The following COL26A1 variants were observed in gnomAD, a reference collection of about 807,000 sequenced individuals.
The protein encoded by COL26A1 is collagen alpha-1(XXVI) chain.
A neutral mutation model predicts 59.3 loss-of-function variants in COL26A1; 41 were observed. That is an observed-to-expected ratio of 0.69 (90% CI 0.54 to 0.90). COL26A1 has a LOEUF of 0.90. Among genes scored for constraint, COL26A1 ranks in the 40% least tolerant of loss-of-function variants. The pLI is 0.00. For synonymous variants in COL26A1, 266 were observed against 256.0 expected (o/e 1.04, Z -0.37); for missense variants, 612 against 602.3 (o/e 1.02, Z -0.17).
At chr7:101,464,781 A>C (rs1793716149) in intron 3 of COL26A1, among the ~76,000 whole-genome samples, 1 of 152,080 alleles carries the variant, frequency 6.6e-6, no homozygotes, top group South Asian at 2.1e-4. Flanking sequence ...AGATGATCAT[A>C]GCTCACTGCA....
intron 1 of COL26A1, among the ~76,000 whole-genome samples, chr7:101,369,826 C>T (rs1165862959): frequency 6.6e-6 from 1 of 151,986 alleles, no homozygotes; most frequent in Non-Finnish European, 1.5e-5. Context: ...GCAGTTTCTT[C>T]TTGGGGTACA....
At chr7:101,512,796 C>T (rs1233186950) in intron 3 of COL26A1, among the ~76,000 whole-genome samples, 1 of 150,262 alleles carries the variant, frequency 6.7e-6, no homozygotes, top group Non-Finnish European at 1.5e-5. Flanking sequence ...TGTAGTTCTT[C>T]AGAAAATCTG....
rs183669457 is a variant in COL26A1, at chr7:101,500,870, T to C, written c.386-32212T>C. ...GATAAAAAAAGAAAAGTGCCGTGAT[T>C]GTCTAAATGAGGTTGTTAGAAATGC... On this transcript the variant is annotated intron_variant, in intron 3 of 12. Coordinates refer to ENST00000313669, the MANE Select transcript of COL26A1 (RefSeq NM_001278563.3). Among the ~76,000 whole-genome samples, 595 of 151,794 alleles carry C rather than the reference T, an allele frequency of 3.9e-3. 3 individuals are homozygous for C. Among genetic ancestry groups the C allele is most frequent in the African/African-American group, 9.6e-3 (396 of 41,428 alleles).
At chr7:101,501,092 A>T (rs963047169) in intron 3 of COL26A1, among the ~76,000 whole-genome samples, 15 of 149,048 alleles carry the variant, frequency 1.0e-4, no homozygotes, top group African/African-American at 3.7e-4. Flanking sequence ...AGGCTGAGGC[A>T]GGAGAATCGC....
intron 2 of COL26A1, among the ~76,000 whole-genome samples, chr7:101,420,478 C>T (rs1792486687): frequency 6.6e-6 from 1 of 152,122 alleles, no homozygotes; most frequent in Non-Finnish European, 1.5e-5. Context: ...GAAATCCAGC[C>T]TGTCTTTGGC....
intron 3 of COL26A1, among the ~76,000 whole-genome samples, chr7:101,514,640 C>A (rs1291975199): frequency 1.3e-5 from 2 of 152,196 alleles, no homozygotes; most frequent in East Asian, 1.9e-4. Context: ...GGGGCTGATC[C>A]ACTGATGTCA....
chr7:101,370,894 T>TAGCC (rs369586082), intron 1 of COL26A1, among the ~76,000 whole-genome samples: 37 of 152,262 alleles, frequency 2.4e-4, no homozygotes, highest in Middle Eastern at 3.4e-3. Context: ...CATTTGTGGG[T>TAGCC]AGCCCCTGCA....
At chr7:101,459,933 G>A (rs930990741) in intron 3 of COL26A1, among the ~76,000 whole-genome samples, 15 of 152,074 alleles carry the variant, frequency 9.9e-5, no homozygotes, top group African/African-American at 2.4e-4. Flanking sequence ...CTGTGTACGG[G>A]CATGTCTGTG....
At chr7:101,546,026 C>A (rs1795727474) in intron 7 of COL26A1, among the ~76,000 whole-genome samples, 1 of 152,240 alleles carries the variant, frequency 6.6e-6, no homozygotes, top group Non-Finnish European at 1.5e-5. Context: ...CAAACTCCGG[C>A]CCTCGGGGGC....
rs1409421053 is a variant in COL26A1, at chr7:101,489,756, C to T, written c.385+41969C>T. ...CTCTTTCTCTCTTTCTTTCTTGTCT[C>T]TCTTTCTTTCTTTCTTTCTTTCTTT... is the stretch of plus-strand genomic sequence containing the variant. On this transcript the variant is annotated intron_variant, in intron 3 of 12. Coordinates refer to ENST00000313669, the MANE Select transcript of COL26A1 (RefSeq NM_001278563.3). Among the ~76,000 whole-genome samples, 21 of 77,712 alleles carry T rather than the reference C, an allele frequency of 2.7e-4. 1 individual carries two copies. The highest frequency in any genetic ancestry group is 1.7e-3 in the East Asian group (6 of 3,508). 51.0% of individuals were successfully genotyped at this position (77,712 alleles called of 152,430 possible).
chr7:101,380,918 C>T (rs1791431155), intron 1 of COL26A1, among the ~76,000 whole-genome samples: 1 of 152,166 alleles, frequency 6.6e-6, no homozygotes, highest in Admixed American at 6.6e-5. Flanking sequence ...CAAATTCTCC[C>T]AGGGCAGTGG....
chr7:101,415,124 T>C (rs1584387549), intron 1 of COL26A1, among the ~76,000 whole-genome samples: 1 of 152,012 alleles, frequency 6.6e-6, no homozygotes, highest in East Asian at 1.9e-4. Context: ...CTGACTGGGA[T>C]GTGTTCATTT....
chr7:101,522,563 G>A (rs1323256775), intron 3 of COL26A1, among the ~76,000 whole-genome samples: 1 of 152,170 alleles, frequency 6.6e-6, no homozygotes, highest in Non-Finnish European at 1.5e-5. Flanking sequence ...GCAGAGAGGG[G>A]CTTCCACTGG....
chr7:101,417,697 G>GAT lies in COL26A1; in HGVS notation c.159-2275_159-2274dup, dbSNP rs59886001. Among the ~76,000 whole-genome samples, 223 of 120,312 alleles carry GAT rather than the reference G, an allele frequency of 1.9e-3. 2 individuals are homozygous for GAT. The highest frequency in any genetic ancestry group is 5.5e-3 in the African/African-American group (201 of 36,684). The allele number at this position is 120,312 out of a possible 152,430, so 78.9% of individuals were successfully genotyped here. The stretch of plus-strand genomic sequence containing the variant: ...CTCTATATCTAGACATAGATATAGA[G>GAT]ATATATCTATAGATATCTATATCTA... On this transcript the variant is annotated intron_variant, in intron 1 of 12. Coordinates refer to ENST00000313669, the MANE Select transcript of COL26A1 (RefSeq NM_001278563.3).
At chr7:101,542,627 G>A (rs2130660011) in intron 5 of COL26A1, among the ~76,000 whole-genome samples, 1 of 152,340 alleles carries the variant, frequency 6.6e-6, no homozygotes, top group Non-Finnish European at 1.5e-5. Context: ...TTGGGGAGCA[G>A]GGGCAGAGCA....
intron 1 of COL26A1, among the ~76,000 whole-genome samples, chr7:101,402,392 C>G (rs982704238): frequency 6.6e-6 from 1 of 152,100 alleles, no homozygotes; most frequent in Admixed American, 6.6e-5. Context: ...TGTCCTGGTT[C>G]GTCACCAGCT....
chr7:101,557,342 C>G, intron 12 of COL26A1, 28 bp from the exon 13 acceptor site: 2 of 1,597,600 alleles, frequency 1.3e-6, no homozygotes, highest in South Asian at 1.1e-5. Flanking sequence ...GGCTCTACCT[C>G]GAGTCCACCC....
chr7:101,395,611 G>A (rs998310082), intron 1 of COL26A1, among the ~76,000 whole-genome samples: 1 of 152,166 alleles, frequency 6.6e-6, no homozygotes, highest in African/African-American at 2.4e-5. Context: ...AACTTGAAAC[G>A]GCATCTTTCC....
intron 2 of COL26A1, among the ~76,000 whole-genome samples, chr7:101,438,115 A>G (rs1254882602): frequency 6.6e-6 from 1 of 151,520 alleles, no homozygotes; most frequent in African/African-American, 2.4e-5. Flanking sequence ...TAATCCTAAC[A>G]GTCTGGGAAG....
Sources: gnomAD v4.1 joint callset for allele counts (sites outside exome capture counted in the v4.1 genomes callset) on GRCh38, gnomAD v4.1.1 for gene constraint, MANE v1.5 for transcripts, NCBI Gene and HGNC (gene_info 2026-07-23, HGNC 2026-07-21) for gene names.